Variants in KCNMA1 observed in about 807,000 individuals in gnomAD.
KCNMA1 encodes potassium calcium-activated channel subfamily M alpha 1.
A neutral mutation model predicts 140.0 loss-of-function variants in KCNMA1; 29 were observed. The observed-to-expected ratio is 0.21, with a 90% CI of 0.15 to 0.28. The LOEUF is 0.28. Ranked by LOEUF, KCNMA1 falls within the 10% of genes least tolerant of loss-of-function variation. The pLI is 1.00. For synonymous variants in KCNMA1, 612 were observed against 611.9 expected, an observed-to-expected ratio of 1.00 and a Z score of 0.00; for missense variants, 880 against 1,602.2, an observed-to-expected ratio of 0.55 and a Z score of 7.70.
intron 1 of KCNMA1, among the ~76,000 whole-genome samples, chr10:77,447,013 G>A (rs1343380385): frequency 6.6e-6 from 1 of 152,170 alleles, no homozygotes; most frequent in Non-Finnish European, 1.5e-5. Flanking sequence ...GAGATGTGCT[G>A]CCCCCAACCT....
chr10:77,416,651 G>A (rs370074287), intron 1 of KCNMA1, among the ~76,000 whole-genome samples: 20 of 152,248 alleles, frequency 1.3e-4, no homozygotes, highest in African/African-American at 4.3e-4. Context: ...AAGGGAACAC[G>A]GTCATCCCCT....
chr10:76,925,055 C>T (rs186800850), intron 23 of KCNMA1, among the ~76,000 whole-genome samples: 1 of 151,944 alleles, frequency 6.6e-6, no homozygotes, highest in African/African-American at 2.4e-5. Flanking sequence ...CCTTGAATAA[C>T]TTCTCACATT....
intron 1 of KCNMA1, among the ~76,000 whole-genome samples, chr10:77,601,354 G>A (rs1258715152): frequency 3.9e-5 from 6 of 152,134 alleles, no homozygotes; most frequent in South Asian, 4.2e-4. Flanking sequence ...ATGAAAACAC[G>A]GAGATACAAT....
intron 19 of KCNMA1, among the ~76,000 whole-genome samples, chr10:76,974,734 G>A (rs1381828029): frequency 6.6e-6 from 1 of 152,040 alleles, no homozygotes. Flanking sequence ...TTACCCTGAT[G>A]ACTTCCTGCA....
intron 2 of KCNMA1, among the ~76,000 whole-genome samples, chr10:77,319,042 T>G (rs1206466550): frequency 2.0e-5 from 3 of 152,214 alleles, no homozygotes; most frequent in African/African-American, 7.2e-5. Flanking sequence ...AGAGTAGTTT[T>G]GGGCTCTGCG....
At chr10:77,166,700 T>C (rs1195224260) in intron 5 of KCNMA1, among the ~76,000 whole-genome samples, 1 of 151,878 alleles carries the variant, frequency 6.6e-6, no homozygotes, top group East Asian at 1.9e-4. Context: ...AGGAGGAGTT[T>C]TAACTGAATA....
intron 2 of KCNMA1, among the ~76,000 whole-genome samples, chr10:77,301,677 GCTTCA>G (rs1473359300): frequency 6.6e-6 from 1 of 151,872 alleles, no homozygotes; most frequent in African/African-American, 2.4e-5. Flanking sequence ...TAGTGAGTTG[GCTTCA>G]ACTGCACTTC....
chr10:77,046,917 A>T (rs1335781743), intron 14 of KCNMA1, among the ~76,000 whole-genome samples: 2 of 152,242 alleles, frequency 1.3e-5, no homozygotes, highest in Non-Finnish European at 2.9e-5. Flanking sequence ...CCAAAGGAAG[A>T]AAGCAGAAGA....
intron 1 of KCNMA1, among the ~76,000 whole-genome samples, chr10:77,425,774 A>G (rs2096973731): frequency 6.6e-6 from 1 of 152,164 alleles, no homozygotes; most frequent in East Asian, 1.9e-4. Flanking sequence ...AGGACATTTA[A>G]AAATGCATGG....
At position 77,084,627 on chromosome 10, in the gene KCNMA1, C is replaced by G. The variant is rs760531689; in HGVS notation, c.1523+10G>C. On this transcript the variant is annotated intron_variant, in intron 12 of 27. Coordinates refer to ENST00000286628, the MANE Select transcript of KCNMA1 (RefSeq NM_001161352.2). ...AAGCCCAGGGCCTTCCGCAGCGCCC[C>G]AAGAGTTACCTCATGATATTCGAGG... 2 of 1,612,756 alleles carry G rather than the reference C, an allele frequency of 1.2e-6. No homozygotes were observed. The highest frequency in any genetic ancestry group is 1.7e-6 in the Non-Finnish European group (2 of 1,178,728).
At chr10:77,332,008 T>C (rs995611540) in intron 2 of KCNMA1, among the ~76,000 whole-genome samples, 2 of 152,078 alleles carry the variant, frequency 1.3e-5, no homozygotes, top group Admixed American at 1.3e-4. Context: ...AGTCTACAAA[T>C]ATTGACAGCA....
intron 1 of KCNMA1, among the ~76,000 whole-genome samples, chr10:77,545,857 C>T (rs554463382): frequency 3.9e-5 from 6 of 152,322 alleles, no homozygotes; most frequent in Non-Finnish European, 7.4e-5. Context: ...TAGCTCAGCT[C>T]GGACTGAGTC....
At chr10:77,130,572 T>C (rs565223926) in intron 5 of KCNMA1, among the ~76,000 whole-genome samples, 2 of 152,292 alleles carry the variant, frequency 1.3e-5, no homozygotes, top group Non-Finnish European at 2.9e-5. Context: ...CATCAATGAA[T>C]TAAAATGATA....
chr10:77,080,351 C>G (rs2096534024), intron 12 of KCNMA1, among the ~76,000 whole-genome samples: 1 of 152,200 alleles, frequency 6.6e-6, no homozygotes, highest in African/African-American at 2.4e-5. Context: ...AATACTACTG[C>G]TTCAATAAAG....
intron 25 of KCNMA1, among the ~76,000 whole-genome samples, chr10:76,906,464 T>C (rs1183865096): frequency 1.3e-5 from 2 of 152,236 alleles, no homozygotes; most frequent in Non-Finnish European, 2.9e-5. Context: ...GTTCCAGGAA[T>C]GCCTGTGATG....
At chr10:77,305,522 C>T (rs1439701461) in intron 2 of KCNMA1, among the ~76,000 whole-genome samples, 1 of 152,176 alleles carries the variant, frequency 6.6e-6, no homozygotes, top group Non-Finnish European at 1.5e-5. Context: ...CTCTTTACAT[C>T]TCTTCAGGTT....
intron 12 of KCNMA1, among the ~76,000 whole-genome samples, chr10:77,080,817 A>T (rs2096546805): frequency 6.6e-6 from 1 of 152,164 alleles, no homozygotes; most frequent in African/African-American, 2.4e-5. Flanking sequence ...TAACAACTTG[A>T]GACAACAATG....
chr10:76,950,981 G>A (rs1257506864), intron 21 of KCNMA1, among the ~76,000 whole-genome samples: 1 of 152,172 alleles, frequency 6.6e-6, no homozygotes, highest in African/African-American at 2.4e-5. Flanking sequence ...AAGTGCCTGG[G>A]TGCCACCAGG....
intron 19 of KCNMA1, among the ~76,000 whole-genome samples, chr10:76,994,488 T>C (rs2083634379): frequency 6.6e-6 from 1 of 152,218 alleles, no homozygotes; most frequent in African/African-American, 2.4e-5. Flanking sequence ...TTCTTAGTAA[T>C]GCTGTGTCAA....
Sources: allele counts gnomAD v4.1 joint callset (sites outside exome capture counted in the v4.1 genomes callset), GRCh38; gene constraint gnomAD v4.1.1; transcripts MANE v1.5; gene names NCBI Gene and HGNC (gene_info 2026-07-23, HGNC 2026-07-21).